SEMA6D: variants seen among roughly 807,000 people sequenced by gnomAD.
SEMA6D encodes the protein semaphorin-6D.
A neutral mutation model predicts 106.6 loss-of-function variants in SEMA6D; 35 were observed. The observed-to-expected ratio is 0.33, with a 90% CI of 0.25 to 0.44. The LOEUF is 0.44. Ranked by LOEUF, SEMA6D falls within the 20% of genes least tolerant of loss-of-function variation. The pLI is 1.00. For missense variants in SEMA6D, 1,185 were observed against 1,345.9 expected (o/e 0.88, Z 1.87); for synonymous variants, 499 against 487.7 (o/e 1.02, Z -0.31).
At chr15:47,386,390 C>T (rs2039840744) in intron 1 of SEMA6D, among the ~76,000 whole-genome samples, 1 of 152,066 alleles carries the variant, frequency 6.6e-6, no homozygotes, top group African/African-American at 2.4e-5. Context: ...GAAGCAGACA[C>T]CAATATGACA....
intron 2 of SEMA6D, among the ~76,000 whole-genome samples, chr15:47,415,117 AG>A (rs2140333901): frequency 6.6e-6 from 1 of 152,330 alleles, no homozygotes; most frequent in South Asian, 2.1e-4. Context: ...AGGTCAAAAA[AG>A]CATCTTCATC....
chr15:47,319,741 C>A (rs964940190), intron 1 of SEMA6D, among the ~76,000 whole-genome samples: 1 of 152,044 alleles, frequency 6.6e-6, no homozygotes, highest in Non-Finnish European at 1.5e-5. Flanking sequence ...TTCCCTTTCT[C>A]GTCTTCCTGC....
intron 5 of SEMA6D, 39 bp from the exon 6 acceptor site, chr15:47,761,291 T>G: frequency 2.5e-6 from 4 of 1,610,106 alleles, no homozygotes; most frequent in Non-Finnish European, 3.4e-6. Context: ...GCCAGCATGT[T>G]CAAATGTCTA....
intron 1 of SEMA6D, among the ~76,000 whole-genome samples, chr15:47,205,915 A>G (rs1215014660): frequency 3.5e-5 from 5 of 140,854 alleles, no homozygotes; most frequent in Non-Finnish European, 4.6e-5. Context: ...TGACTTTTGC[A>G]TTTGAACAAC....
rs548184939 is a variant in SEMA6D, at chr15:47,281,465, G to T, written c.-239+97047G>T. 3.5e-3 allele frequency among the ~76,000 whole-genome samples: 527 copies of T among 149,916 alleles called. 1 individual carries two copies. Among genetic ancestry groups the T allele is most frequent in the African/African-American group, 0.012 (504 of 40,668 alleles). ...TTTCCTGAATACAGCACACTGATGGGTCTTGACTCTTTATCCAATTTGCCA... is the reference window on the plus strand; with the variant it reads ...TTTCCTGAATACAGCACACTGATGGTTCTTGACTCTTTATCCAATTTGCCA... On this transcript the variant is annotated intron_variant, in intron 1 of 19. Transcript: ENST00000558014.
intron 3 of SEMA6D, among the ~76,000 whole-genome samples, chr15:47,486,533 G>A (rs571992665): frequency 6.6e-6 from 1 of 152,316 alleles, no homozygotes; most frequent in Admixed American, 6.5e-5. Context: ...ATGAGCTCAA[G>A]TGCAAGGTTG....
intron 1 of SEMA6D, chr15:47,359,659 A>G (rs2038723872): frequency 6.6e-6 from 1 of 152,158 alleles, no homozygotes; most frequent in Admixed American, 6.5e-5. Context: ...AATATCTACT[A>G]AGTTCACTGA....
intron 1 of SEMA6D, among the ~76,000 whole-genome samples, chr15:47,257,874 G>A (rs2033888733): frequency 6.6e-6 from 1 of 152,082 alleles, no homozygotes; most frequent in Non-Finnish European, 1.5e-5. Context: ...TATAATTGTA[G>A]ATTTGTCTGT....
chr15:47,431,211 T>A (rs2140544926), intron 2 of SEMA6D, among the ~76,000 whole-genome samples: 1 of 152,280 alleles, frequency 6.6e-6, no homozygotes, highest in East Asian at 1.9e-4. Context: ...GTCTTAAGAT[T>A]TCTCTTTGTA....
rs185223292 is a variant in SEMA6D at position 47,761,766 on chromosome 15, C to G, written c.538+15C>G. On this transcript the variant is annotated intron_variant, in intron 7 of 18. Coordinates refer to ENST00000536845, the MANE Select transcript of SEMA6D (RefSeq NM_001358351.3). ...CCTCTTTGCTGGTAAGATCCTTTAG[C>G]GTAATGAATATAAATGATTAATGAC... 3.2e-6 allele frequency: 5 copies of G among 1,575,888 alleles called. No homozygotes were observed. The East Asian group carries it at 6.7e-5, about 21-fold the overall frequency.
chr15:47,463,226 A>G (rs2141062605), intron 2 of SEMA6D, among the ~76,000 whole-genome samples: 1 of 152,244 alleles, frequency 6.6e-6, no homozygotes, highest in East Asian at 1.9e-4. Context: ...TGAAGCTTGT[A>G]ATTTTCCCCT....
At chr15:47,645,854 CTGTTTACCCA>C (rs2077573131) in intron 4 of SEMA6D, among the ~76,000 whole-genome samples, 1 of 152,124 alleles carries the variant, frequency 6.6e-6, no homozygotes, top group Non-Finnish European at 1.5e-5. Flanking sequence ...AAACATTCTA[CTGTTTACCCA>C]TGTATTATAA....
At chr15:47,401,910 G>C (rs1312783838) in intron 1 of SEMA6D, among the ~76,000 whole-genome samples, 1 of 152,148 alleles carries the variant, frequency 6.6e-6, no homozygotes, top group Non-Finnish European at 1.5e-5. Context: ...TTCCCCACTA[G>C]ACTGTGAGCC....
At chr15:47,433,996 G>GT (rs2041621285) in intron 2 of SEMA6D, among the ~76,000 whole-genome samples, 2 of 152,084 alleles carry the variant, frequency 1.3e-5, no homozygotes, top group Admixed American at 1.3e-4. Context: ...TCAGCAAGAA[G>GT]TAAGTTTTCA....
intron 1 of SEMA6D, among the ~76,000 whole-genome samples, chr15:47,383,421 T>C (rs1270784355): frequency 6.6e-6 from 1 of 152,192 alleles, no homozygotes; most frequent in Non-Finnish European, 1.5e-5. Context: ...GATTGGTCTC[T>C]AACTCCTATG....
intron 9 of SEMA6D, among the ~76,000 whole-genome samples, chr15:47,763,565 G>A (rs1421077016): frequency 6.6e-6 from 1 of 152,164 alleles, no homozygotes; most frequent in Non-Finnish European, 1.5e-5. Context: ...AATACAGGAA[G>A]CAAAGTTGGA....
intron 1 of SEMA6D, among the ~76,000 whole-genome samples, chr15:47,232,613 G>A (rs757940186): frequency 2.1e-4 from 32 of 151,144 alleles, no homozygotes; most frequent in Non-Finnish European, 4.0e-4. Flanking sequence ...GGCTTTAATT[G>A]GCATTTCTCT....
At chr15:47,432,547 G>A (rs1310076296) in intron 2 of SEMA6D, among the ~76,000 whole-genome samples, 2 of 61,648 alleles carry the variant, frequency 3.2e-5, no homozygotes, top group Non-Finnish European at 7.4e-5. Flanking sequence ...TATGTGTTAT[G>A]TGTATATACA....
At chr15:47,484,144 A>G (rs2043228301) in intron 3 of SEMA6D, among the ~76,000 whole-genome samples, 1 of 152,138 alleles carries the variant, frequency 6.6e-6, no homozygotes, top group African/African-American at 2.4e-5. Flanking sequence ...TCCTTTTGGC[A>G]CAATCAACAT....
Sources: allele counts gnomAD v4.1 joint callset (sites outside exome capture counted in the v4.1 genomes callset), GRCh38; gene constraint gnomAD v4.1.1; transcripts MANE v1.5; gene names NCBI Gene and HGNC (gene_info 2026-07-23, HGNC 2026-07-21).